The following PRKDC variants were observed in gnomAD, a reference collection of about 807,000 sequenced individuals.
PRKDC encodes DNA-dependent protein kinase catalytic subunit.
Under a neutral mutation model 486.9 loss-of-function variants are expected in PRKDC, and 82 were observed. The observed-to-expected ratio is 0.17, with a 90% CI of 0.14 to 0.20. PRKDC has a LOEUF of 0.20. PRKDC is among the 10% of genes least tolerant of loss of function. The pLI, the probability that PRKDC is intolerant of heterozygous loss-of-function variation, is 1.00. For missense variants in PRKDC, 4,504 were observed against 5,038.2 expected (o/e 0.89, Z 3.21); for synonymous variants, 1,895 against 1,837.0 (o/e 1.03, Z -0.81).
chr8:47,842,403 C>A (rs1302743285), intron 54 of PRKDC, among the ~76,000 whole-genome samples: 2 of 152,112 alleles, frequency 1.3e-5, no homozygotes. Context: ...TATCCATCAC[C>A]TGTGAAACCC....
chr8:47,890,308 C>T lies in PRKDC; in HGVS notation c.4020G>A (p.Arg1340=). Residue 1340 remains arginine, a synonymous_variant, in exon 32 of 86, where the codon CGG becomes CGA. Coordinates refer to ENST00000314191, the MANE Select transcript of PRKDC (RefSeq NM_006904.7). ...GCAGAGTCGTGGTAAACTCCATAAT[C>T]CGGACCACAACGGTGCATTTGCTGT... ...YNYSKCTVVV[R]IMEFTTTLLN... 6.2e-7 allele frequency: 1 copy of T among 1,613,014 alleles called. No individual in the cohort carries two copies. Among genetic ancestry groups the T allele is most frequent in the Middle Eastern group, 1.8e-4 (1 of 5,494 alleles).
intron 16 of PRKDC, 37 bp downstream of exon 16, chr8:47,932,983 A>C: frequency 6.5e-7 from 1 of 1,528,110 alleles, no homozygotes; most frequent in Non-Finnish European, 8.8e-7. Flanking sequence ...GCTGATACAA[A>C]AATGATGAAA....
Position 47,845,588 on chromosome 8 carries a change from C to A in PRKDC, c.7280+3566G>T, listed in dbSNP as rs376357870. 1.5e-4 allele frequency among the ~76,000 whole-genome samples: 23 copies of A among 151,356 alleles called. 1 individual carries two copies. The highest frequency in any genetic ancestry group is 5.3e-4 in the African/African-American group (22 of 41,238). The stretch of plus-strand genomic sequence containing the variant: ...AAACATACAACCTCCCAAGATTGAA[C>A]CAGAAATTAAAAACAAACAAACAAA... On this transcript the variant is annotated intron_variant, in intron 54 of 85. Transcript: ENST00000314191.
chr8:47,894,613 C>T (rs2089538426), intron 30 of PRKDC, among the ~76,000 whole-genome samples: 1 of 152,158 alleles, frequency 6.6e-6, no homozygotes, highest in Non-Finnish European at 1.5e-5. Flanking sequence ...CTGGACCACG[C>T]TGAGTCTCAG....
chr8:47,780,596 A>C (rs1232558040), intron 80 of PRKDC, among the ~76,000 whole-genome samples: 1 of 152,222 alleles, frequency 6.6e-6, no homozygotes, highest in Non-Finnish European at 1.5e-5. Flanking sequence ...AGTCCACTCC[A>C]TCTTAAAATT....
Position 47,933,118 on chromosome 8 carries a change from G to T in PRKDC, c.1678C>A (p.Leu560Met). The T allele has an allele frequency of 6.4e-7, 1 of 1,567,482 alleles. No homozygotes were observed. Among genetic ancestry groups the T allele is most frequent in the South Asian group, 1.2e-5 (1 of 81,594 alleles). The change falls in exon 16 of 86, where the codon CTG (leucine) becomes ATG (methionine). Residue 560 changes from leucine (L) to methionine (M), a missense_variant. By Grantham distance (15) the Leu-to-Met change is conservative (BLOSUM62 2). Around this residue, in one of 6 missense-constraint regions of PRKDC, gnomAD observed 1,969 missense variants for 2,068.9 expected, o/e 0.95. Coordinates refer to ENST00000314191, the MANE Select transcript of PRKDC (RefSeq NM_006904.7). ...FFSVNSSSES[L>M]NHLLYDEFVK... ...AATTCATCATAAAGTAAATGATTCA[G>T]ACTTTCACTGGAGGAATTCACAGAG...
At chr8:47,901,675 T>C (rs897133222) in intron 27 of PRKDC, among the ~76,000 whole-genome samples, 5 of 152,198 alleles carry the variant, frequency 3.3e-5, no homozygotes, top group Admixed American at 2.0e-4. Flanking sequence ...ATTATCTATG[T>C]GTCCTTCTGA....
At chr8:47,860,310 G>A (rs1382561553) in intron 45 of PRKDC, among the ~76,000 whole-genome samples, 1 of 152,208 alleles carries the variant, frequency 6.6e-6, no homozygotes, top group Non-Finnish European at 1.5e-5. Flanking sequence ...ATGTCATGAG[G>A]TATGCTAATA....
chr8:47,782,585 G>T lies in PRKDC; in HGVS notation c.11189C>A (p.Ala3730Glu). The change falls in exon 79 of 86, where the codon GCG (alanine) becomes GAG (glutamate). Residue 3730 changes from alanine (A) to glutamate (E), a missense_variant. By Grantham distance (107) the Ala-to-Glu change is moderately radical. This residue lies in a region of PRKDC where 706 missense variants were observed against 945.0 expected (regional missense o/e 0.75). Coordinates refer to ENST00000314191, the MANE Select transcript of PRKDC (RefSeq NM_006904.7). The surrounding 1 kb of genome is among the most constrained non-coding windows in gnomAD (Gnocchi z 4.9). ...AGFDERVTVMASLRRPKRIII... is the reference protein window; with the variant it reads ...AGFDERVTVMESLRRPKRIII... ...GATGCGCTTGGGCCTTCGCAGAGAC[G>T]CCATGACTGTCACCTTCAAAAATCA... 6.4e-7 allele frequency: 1 copy of T among 1,559,368 alleles called. No individual in the cohort carries two copies.
intron 14 of PRKDC, among the ~76,000 whole-genome samples, chr8:47,934,464 G>C (rs1286232794): frequency 6.6e-6 from 1 of 152,202 alleles, no homozygotes; most frequent in Non-Finnish European, 1.5e-5. Flanking sequence ...GAACCTTGGA[G>C]GGGAAGGTTG....
chr8:47,929,232 C>A (rs1220468275), intron 18 of PRKDC, 54 bp from the exon 19 acceptor site: 2 of 1,231,710 alleles, frequency 1.6e-6, no homozygotes, highest in African/African-American at 1.5e-5. Flanking sequence ...GAGACTGTAT[C>A]CCAATCCAGT....
intron 28 of PRKDC, 47 bp downstream of exon 28, chr8:47,900,326 A>AAC: frequency 7.2e-7 from 1 of 1,386,890 alleles, no homozygotes; most frequent in Non-Finnish European, 9.6e-7. Flanking sequence ...TCATTGGGGA[A>AAC]ACTCTTCAGA....
intron 74 of PRKDC, among the ~76,000 whole-genome samples, chr8:47,794,062 G>A (rs1224296361): frequency 6.6e-6 from 1 of 152,152 alleles, no homozygotes; most frequent in Non-Finnish European, 1.5e-5. Flanking sequence ...GACCATATGA[G>A]CAGAATGTTT....
rs756427326 is a variant in PRKDC, at chr8:47,782,484, C to T, written c.11290G>A (p.Val3764Met). The T allele has an allele frequency of 7.0e-6, 11 of 1,581,848 alleles. No individual in the cohort carries two copies. Among genetic ancestry groups the T allele is most frequent in the South Asian group, 3.5e-5 (3 of 86,844 alleles). The change falls in exon 79 of 86, where the codon GTG (valine) becomes ATG (methionine). Residue 3764 changes from valine (V) to methionine (M), a missense_variant. Around this residue, in one of 6 missense-constraint regions of PRKDC, gnomAD observed 706 missense variants for 945.0 expected, o/e 0.75. Coordinates refer to ENST00000314191, the MANE Select transcript of PRKDC (RefSeq NM_006904.7). The surrounding 1 kb of genome is among the most constrained non-coding windows in gnomAD (Gnocchi z 4.9). ...TTCATGACCTGGAAGAGCTGCTCCACGCGCTGGTCCTGCCGCAGGTCCTCG... is the reference window on the plus strand; with the variant it reads ...TTCATGACCTGGAAGAGCTGCTCCATGCGCTGGTCCTGCCGCAGGTCCTCG... ...GGEDLRQDQR[V>M]EQLFQVMNGI...
At position 47,858,589 on chromosome 8, in the gene PRKDC, C is replaced by T; in HGVS notation, c.6392G>A (p.Gly2131Asp). Residue 2131 changes from glycine to aspartate, a missense_variant, in exon 48 of 86, where the codon GGC becomes GAC. Gly to Asp is a moderately conservative substitution (Grantham distance 94, BLOSUM62 -1). Transcript: ENST00000314191. Reference protein sequence around the residue: ...DLPSWMKFLHGKLGNPIVPLN... With the variant: ...DLPSWMKFLHDKLGNPIVPLN... ...TGGTACTATTGGATTTCCCAGTTTGCCATGGAGGAATTTCATCCAAGAAGG... is the reference window on the plus strand; with the variant it reads ...TGGTACTATTGGATTTCCCAGTTTGTCATGGAGGAATTTCATCCAAGAAGG... 4 of 1,557,458 alleles carry T rather than the reference C, an allele frequency of 2.6e-6. No individual in the cohort carries two copies. Among genetic ancestry groups the T allele is most frequent in the Admixed American group, 2.0e-5 (1 of 48,852 alleles).
intron 76 of PRKDC, among the ~76,000 whole-genome samples, chr8:47,786,336 C>T (rs546463407): frequency 1.3e-5 from 2 of 152,002 alleles, no homozygotes; most frequent in Admixed American, 6.6e-5. Context: ...TGCTTGAATC[C>T]GGGAGGCGGA....
intron 17 of PRKDC, among the ~76,000 whole-genome samples, chr8:47,930,411 T>C (rs960315647): frequency 6.6e-6 from 1 of 152,182 alleles, no homozygotes. Context: ...TAGCTGGGAC[T>C]ACAGGCGCCT....
At chr8:47,932,565 A>T (rs553800979) in intron 16 of PRKDC, among the ~76,000 whole-genome samples, 1 of 152,138 alleles carries the variant, frequency 6.6e-6, no homozygotes, top group Non-Finnish European at 1.5e-5. Context: ...GGGTGTGAAA[A>T]AAAGGGAGGG....
Position 47,789,059 on chromosome 8 carries a change from G to GA in PRKDC, c.10759-11dup, listed in dbSNP as rs34211555. The GA allele has an allele frequency of 4.3e-5, 69 of 1,594,882 alleles. No individual in the cohort carries two copies. Among genetic ancestry groups the GA allele is most frequent in the Middle Eastern group, 1.7e-4 (1 of 5,994 alleles). The stretch of plus-strand genomic sequence containing the variant: ...CATCATTGCTCCAATCCTGTCAGGG[G>GA]AAAAAAAAAGTAAGAAAAAAATCAA... On this transcript the variant is annotated splice_polypyrimidine_tract_variant and intron_variant, in intron 75 of 85. Transcript: ENST00000314191.
Sources: allele counts gnomAD v4.1 joint callset (sites outside exome capture counted in the v4.1 genomes callset), GRCh38; gene constraint gnomAD v4.1.1; regional missense constraint gnomAD v4.1.1; non-coding constraint Gnocchi (gnomAD v3.1); transcripts MANE v1.5; gene names NCBI Gene and HGNC (gene_info 2026-07-23, HGNC 2026-07-21).